Variants in ADAMTSL1 observed in about 807,000 individuals in gnomAD.
ADAMTSL1 encodes ADAMTS-like protein 1.
Under a neutral mutation model 201.8 loss-of-function variants are expected in ADAMTSL1, and 126 were observed. The observed-to-expected ratio is 0.62, with a 90% confidence interval of 0.54 to 0.72. The LOEUF is 0.72. Ranked by LOEUF, ADAMTSL1 falls within the 30% of genes least tolerant of loss-of-function variation. ADAMTSL1 has a pLI of 0.00. For synonymous variants in ADAMTSL1, 1,121 were observed against 903.4 expected (o/e 1.24, Z -4.32); for missense variants, 2,679 against 2,277.8 (o/e 1.18, Z -3.59).
At chr9:18,455,289 T>C (rs552746397) in intron 2 of ADAMTSL1, among the ~76,000 whole-genome samples, 56 of 152,306 alleles carry the variant, frequency 3.7e-4, no homozygotes, top group African/African-American at 1.3e-3. Context: ...ATAGTCACGA[T>C]TGTATACAGG....
intron 1 of ADAMTSL1, among the ~76,000 whole-genome samples, chr9:18,125,041 A>G (rs1291404891): frequency 6.7e-6 from 1 of 148,886 alleles, no homozygotes. Flanking sequence ...GTTAAAAAAC[A>G]AAACAAATTT....
chr9:17,980,093 C>T (rs1021181590), intron 1 of ADAMTSL1, among the ~76,000 whole-genome samples: 3 of 152,058 alleles, frequency 2.0e-5, no homozygotes, highest in South Asian at 4.1e-4. Flanking sequence ...TACTGTACTG[C>T]GTGGGCAGTA....
In ADAMTSL1 at chr9:17,912,328, C is replaced by T. The variant is rs1380734388; in HGVS notation, c.87+5406C>T. Among the ~76,000 whole-genome samples the T allele has an allele frequency of 8.1e-5, 5 of 61,936 alleles. 2 individuals are homozygous for T. Among genetic ancestry groups the T allele is most frequent in the Non-Finnish European group, 2.5e-4 (5 of 20,068 alleles). The allele number at this position is 61,936 out of a possible 152,430, so 40.6% of individuals were successfully genotyped here. ...CAGTGTAAAAGTGTTCCTATTTCTCCACATCCTCTCCAGCACCTGTTGTTT... is the reference window on the plus strand; with the variant it reads ...CAGTGTAAAAGTGTTCCTATTTCTCTACATCCTCTCCAGCACCTGTTGTTT... On this transcript the variant is annotated intron_variant, in intron 1 of 29. Coordinates refer to the ADAMTSL1 transcript ENST00000680146.
At chr9:18,658,048 C>G (rs1212901791) in intron 8 of ADAMTSL1, among the ~76,000 whole-genome samples, 1 of 151,062 alleles carries the variant, frequency 6.6e-6, no homozygotes, top group Non-Finnish European at 1.5e-5. Flanking sequence ...CATCTCGGCT[C>G]GCTGCAAGCT....
intron 1 of ADAMTSL1, among the ~76,000 whole-genome samples, chr9:18,143,802 T>C (rs1003839205): frequency 2.6e-5 from 4 of 152,218 alleles, no homozygotes; most frequent in African/African-American, 7.2e-5. Flanking sequence ...TCTTTCATTA[T>C]AGATGTTAGA....
intron 3 of ADAMTSL1, among the ~76,000 whole-genome samples, chr9:18,559,888 T>G (rs1821361894): frequency 6.6e-6 from 1 of 152,230 alleles, no homozygotes; most frequent in African/African-American, 2.4e-5. Context: ...AAGTTGCTTA[T>G]CAGCTTAAGG....
At chr9:18,765,769 TCTTC>T (rs1235839195) in intron 16 of ADAMTSL1, among the ~76,000 whole-genome samples, 1 of 152,182 alleles carries the variant, frequency 6.6e-6, no homozygotes, top group Non-Finnish European at 1.5e-5. Flanking sequence ...AAGCAAAATC[TCTTC>T]CTTCATAGAG....
intron 1 of ADAMTSL1, among the ~76,000 whole-genome samples, chr9:17,940,712 C>CAAAAAAA (rs60466124): frequency 2.7e-4 from 24 of 88,634 alleles, no homozygotes; most frequent in African/African-American, 4.0e-4. Context: ...GCATAACGTG[C>CAAAAAAA]AAAAAAAAAA....
At chr9:18,346,907 AG>A (rs894599468) in intron 2 of ADAMTSL1, among the ~76,000 whole-genome samples, 1 of 152,182 alleles carries the variant, frequency 6.6e-6, no homozygotes, top group Non-Finnish European at 1.5e-5. Flanking sequence ...GGAAGGCCCC[AG>A]CACATTCTCC....
chr9:18,022,865 T>C (rs1820535979), intron 1 of ADAMTSL1, among the ~76,000 whole-genome samples: 1 of 152,140 alleles, frequency 6.6e-6, no homozygotes, highest in Non-Finnish European at 1.5e-5. Context: ...GGAATAACCA[T>C]GCATGATTTG....
intron 1 of ADAMTSL1, among the ~76,000 whole-genome samples, chr9:18,004,009 T>C (rs551773386): frequency 2.6e-5 from 4 of 152,168 alleles, no homozygotes; most frequent in Admixed American, 6.5e-5. Flanking sequence ...AGAATGTCAA[T>C]GTTTGGGCAC....
chr9:18,438,021 G>A (rs1321451552), intron 2 of ADAMTSL1, among the ~76,000 whole-genome samples: 1 of 152,148 alleles, frequency 6.6e-6, no homozygotes, highest in African/African-American at 2.4e-5. Context: ...AGAGGATCAA[G>A]GTCACTCTTG....
intron 1 of ADAMTSL1, among the ~76,000 whole-genome samples, chr9:18,137,936 T>A (rs747521106): frequency 1.3e-5 from 2 of 152,144 alleles, no homozygotes; most frequent in African/African-American, 4.8e-5. Context: ...AGAGTTATTC[T>A]TATTGTTAGG....
chr9:18,133,097 G>A lies in ADAMTSL1; in HGVS notation c.88-30765G>A, dbSNP rs140287552. ...ACACTTCCAGGAATAAGAAGCTAAG[G>A]TTCAGACTCTCCTCCGGAATTAAGG... On this transcript the variant is annotated intron_variant, in intron 1 of 29. Transcript: ENST00000680146. Among the ~76,000 whole-genome samples, 126 of 152,184 alleles carry A rather than the reference G, an allele frequency of 8.3e-4. 1 individual carries two copies. The highest frequency in any genetic ancestry group is 9.9e-4 in the Non-Finnish European group (67 of 68,000).
At chr9:18,696,865 A>AATTATTAT (rs144043868) in intron 13 of ADAMTSL1, among the ~76,000 whole-genome samples, 1 of 142,282 alleles carries the variant, frequency 7.0e-6, no homozygotes, top group African/African-American at 2.6e-5. Context: ...CATGTCAAAA[A>AATTATTAT]TATTATTATT....
intron 2 of ADAMTSL1, among the ~76,000 whole-genome samples, chr9:18,224,416 A>T (rs976860530): frequency 7.2e-5 from 11 of 152,054 alleles, no homozygotes; most frequent in African/African-American, 2.4e-4. Context: ...TGCCATCATA[A>T]CCTAAACACC....
intron 2 of ADAMTSL1, among the ~76,000 whole-genome samples, chr9:18,182,195 G>T (rs569841933): frequency 6.6e-6 from 1 of 150,952 alleles, no homozygotes; most frequent in African/African-American, 2.4e-5. Flanking sequence ...GCTAGATGAC[G>T]AGTTAGTGGG....
At chr9:18,589,390 T>C (rs1178100167) in intron 4 of ADAMTSL1, among the ~76,000 whole-genome samples, 1 of 152,202 alleles carries the variant, frequency 6.6e-6, no homozygotes, top group Non-Finnish European at 1.5e-5. Flanking sequence ...ACTGTTAATA[T>C]ATAAAAACAC....
intron 1 of ADAMTSL1, among the ~76,000 whole-genome samples, chr9:18,079,928 G>A (rs1823414846): frequency 6.6e-6 from 1 of 152,110 alleles, no homozygotes; most frequent in South Asian, 2.1e-4. Context: ...GGTGGATAGT[G>A]AGGAAGTGTG....
Sources: allele counts gnomAD v4.1 joint callset (sites outside exome capture counted in the v4.1 genomes callset), GRCh38; gene constraint gnomAD v4.1.1; transcripts MANE v1.5; gene names NCBI Gene and HGNC (gene_info 2026-07-23, HGNC 2026-07-21).